The following ARHGAP32 variants were observed in gnomAD, a reference collection of about 807,000 sequenced individuals.
ARHGAP32 encodes Rho GTPase activating protein 32.
Under a neutral mutation model 186.5 loss-of-function variants are expected in ARHGAP32, and 51 were observed. That is an observed-to-expected ratio of 0.27 (90% CI 0.22 to 0.35). The LOEUF is 0.35. ARHGAP32 is among the 10% of genes least tolerant of loss of function. The probability of loss-of-function intolerance (pLI) is 1.00; values close to 1 mark genes in which losing one functional copy is unlikely to be tolerated. For missense variants in ARHGAP32, 2,186 were observed against 2,623.5 expected (o/e 0.83, Z 3.64); for synonymous variants, 950 against 964.3 (o/e 0.99, Z 0.27).
intron 1 of ARHGAP32, among the ~76,000 whole-genome samples, chr11:129,169,702 T>A (rs1190027638): frequency 6.6e-6 from 1 of 150,978 alleles, no homozygotes; most frequent in Non-Finnish European, 1.5e-5. Context: ...CAGTTGAGAA[T>A]TTAGTTGAAA....
upstream of ARHGAP32, among the ~76,000 whole-genome samples, chr11:129,195,675 T>C (rs980010720): frequency 6.6e-6 from 1 of 152,102 alleles, no homozygotes; most frequent in Non-Finnish European, 1.5e-5. Context: ...GATCACGCCA[T>C]TGCGCTCCAG....
intron 10 of ARHGAP32, among the ~76,000 whole-genome samples, chr11:129,041,434 C>T (rs1373384744): frequency 2.7e-5 from 4 of 149,150 alleles, no homozygotes; most frequent in Non-Finnish European, 5.9e-5. Context: ...TTTAAATCAA[C>T]ACTAAGCCAC....
At chr11:129,033,888 T>C (rs567771987) in intron 11 of ARHGAP32, among the ~76,000 whole-genome samples, 191 of 152,332 alleles carry the variant, frequency 1.3e-3, no homozygotes, top group Non-Finnish European at 2.2e-3. Flanking sequence ...AGTATCTATA[T>C]AGACACAGGT....
At chr11:129,147,522 G>A (rs557951235) in intron 2 of ARHGAP32, among the ~76,000 whole-genome samples, 27 of 152,266 alleles carry the variant, frequency 1.8e-4, no homozygotes, top group Middle Eastern at 3.4e-3. Flanking sequence ...TTCCATAGGC[G>A]TATGGGATTT....
intron 20 of ARHGAP32, among the ~76,000 whole-genome samples, chr11:128,975,712 T>C (rs1350892541): frequency 6.6e-6 from 1 of 152,110 alleles, no homozygotes; most frequent in Non-Finnish European, 1.5e-5. Context: ...TTAATTGCCA[T>C]AGTTAAAAAG....
At chr11:128,973,707 A>T in intron 21 of ARHGAP32, 2 of 543,796 alleles carry the variant, frequency 3.7e-6, no homozygotes, top group Non-Finnish European at 6.5e-6. Flanking sequence ...CCTGGCTCAG[A>T]AAAGATTGCT....
chr11:129,240,007 T>A (rs899695159), intron 1 of ARHGAP32, among the ~76,000 whole-genome samples: 1 of 152,206 alleles, frequency 6.6e-6, no homozygotes, highest in African/African-American at 2.4e-5. Flanking sequence ...ACAGTTACTA[T>A]GCGCAGTGAC....
intron 1 of ARHGAP32, among the ~76,000 whole-genome samples, chr11:129,208,719 C>A (rs1944545654): frequency 6.7e-6 from 1 of 150,026 alleles, no homozygotes; most frequent in African/African-American, 2.4e-5. Context: ...GGCTGGAATG[C>A]AGTGGAACAT....
At chr11:129,272,000 G>A (rs1189747058) in intron 1 of ARHGAP32, among the ~76,000 whole-genome samples, 3 of 152,192 alleles carry the variant, frequency 2.0e-5, no homozygotes, top group Non-Finnish European at 4.4e-5. Context: ...GGAGAGAGAG[G>A]AAGAAGTCAC....
At chr11:129,000,824 C>T (rs944283990) in intron 11 of ARHGAP32, among the ~76,000 whole-genome samples, 12 of 152,064 alleles carry the variant, frequency 7.9e-5, no homozygotes, top group Non-Finnish European at 1.6e-4. Context: ...TCTCTGTCTC[C>T]ATGATTTCAA....
intron 1 of ARHGAP32, among the ~76,000 whole-genome samples, chr11:129,250,206 G>A (rs1325626583): frequency 6.6e-6 from 1 of 152,110 alleles, no homozygotes; most frequent in Non-Finnish European, 1.5e-5. Flanking sequence ...AACAGAGCAA[G>A]CCTCTGTCAG....
At chr11:129,037,531 TAAA>T (rs1305861282) in intron 11 of ARHGAP32, among the ~76,000 whole-genome samples, 10 of 151,744 alleles carry the variant, frequency 6.6e-5, no homozygotes, top group Non-Finnish European at 1.2e-4. Flanking sequence ...AATATCTAAA[TAAA>T]TGAAAAACAT....
At chr11:129,042,035 C>T (rs886290828) in intron 10 of ARHGAP32, among the ~76,000 whole-genome samples, 8 of 152,218 alleles carry the variant, frequency 5.3e-5, no homozygotes, top group African/African-American at 1.9e-4. Flanking sequence ...TTCACATACT[C>T]ATTTGCTACA....
chr11:129,037,028 A>G (rs998790892), intron 11 of ARHGAP32, among the ~76,000 whole-genome samples: 8 of 152,250 alleles, frequency 5.3e-5, no homozygotes, highest in African/African-American at 1.7e-4. Flanking sequence ...AAGATATAAC[A>G]TCAACATACA....
chr11:129,046,434 C>T (rs982398925), intron 10 of ARHGAP32, among the ~76,000 whole-genome samples: 13 of 152,114 alleles, frequency 8.5e-5, no homozygotes, highest in Admixed American at 3.9e-4. Flanking sequence ...TCATACACTT[C>T]GTCCTGCGCC....
At position 128,982,045 on chromosome 11, in the gene ARHGAP32, G is replaced by C. The variant is rs1181309821; in HGVS notation, c.1527-109C>G. Reference sequence around the variant, plus strand: ...TTTGCAATAGCAAAATGAAGAAAGGGACCATACAAACCCAAGAGAACTTTT... The same window carrying C: ...TTTGCAATAGCAAAATGAAGAAAGGCACCATACAAACCCAAGAGAACTTTT... On this transcript the variant is annotated intron_variant, in intron 15 of 22. Coordinates refer to ENST00000682385, the MANE Select transcript of ARHGAP32 (RefSeq NM_001378024.1). 11 of 658,468 alleles carry C rather than the reference G, an allele frequency of 1.7e-5. No individual in the cohort carries two copies. In the East Asian group the frequency reaches 3.3e-4, roughly 20 times the overall value. 40.8% of individuals were successfully genotyped at this position (658,468 alleles called of 1,614,324 possible). A position where few individuals can be genotyped will look rare whatever the true frequency, so the allele number is the denominator to read the frequency against.
chr11:129,194,905 T>C (rs1435521682), upstream of ARHGAP32, among the ~76,000 whole-genome samples: 1 of 148,196 alleles, frequency 6.7e-6, no homozygotes, highest in Non-Finnish European at 1.5e-5. Context: ...CTAGTTCTTT[T>C]TTTTCTAAAC....
intron 11 of ARHGAP32, among the ~76,000 whole-genome samples, chr11:129,024,518 T>G (rs965598509): frequency 6.6e-6 from 1 of 152,178 alleles, no homozygotes; most frequent in African/African-American, 2.4e-5. Flanking sequence ...AAACAAATCT[T>G]TTAATATCTT....
chr11:129,042,161 T>C (rs1358912379), intron 10 of ARHGAP32, among the ~76,000 whole-genome samples: 2 of 152,234 alleles, frequency 1.3e-5, no homozygotes, highest in African/African-American at 4.8e-5. Context: ...TTTTTGTTTT[T>C]TGTTTTTGAG....
Sources: gnomAD v4.1 joint callset for allele counts (sites outside exome capture counted in the v4.1 genomes callset) on GRCh38, gnomAD v4.1.1 for gene constraint, MANE v1.5 for transcripts, NCBI Gene and HGNC (gene_info 2026-07-23, HGNC 2026-07-21) for gene names.